The following PDE1C variants were observed in gnomAD, a reference collection of about 807,000 sequenced individuals.
The protein encoded by PDE1C is dual specificity calcium/calmodulin-dependent 3',5'-cyclic nucleotide phosphodiesterase 1C.
In PDE1C, 62 loss-of-function variants were observed where a neutral mutation model predicts 93.1. The observed-to-expected ratio is 0.67, with a 90% CI of 0.54 to 0.82. The LOEUF is 0.82. PDE1C is among the 40% of genes least tolerant of loss of function. PDE1C has a pLI of 0.00. For synonymous variants in PDE1C, 325 were observed against 310.1 expected (o/e 1.05, Z -0.50); for missense variants, 742 against 884.6 (o/e 0.84, Z 2.04).
rs11981971 is a variant in PDE1C, at chr7:32,306,741, T to A, written c.311-97202A>T. Reference sequence around the variant, plus strand: ...TTGGCTCATCAGGCCCTACAGAATCTTGGGGGAAACTGGGGAACATAGGGA... The same window carrying A: ...TTGGCTCATCAGGCCCTACAGAATCATGGGGGAAACTGGGGAACATAGGGA... On this transcript the variant is annotated intron_variant, in intron 1 of 1. Transcript: ENST00000672256. 2.9e-3 allele frequency among the ~76,000 whole-genome samples: 435 copies of A among 152,320 alleles called. 3 individuals are homozygous for A. The highest frequency in any genetic ancestry group is 9.8e-3 in the African/African-American group (406 of 41,568).
chr7:31,869,613 G>A (rs911131687), intron 6 of PDE1C, among the ~76,000 whole-genome samples: 1 of 152,030 alleles, frequency 6.6e-6, no homozygotes, highest in African/African-American at 2.4e-5. Flanking sequence ...GAAGCACCCA[G>A]ATGTATAAAG....
At chr7:32,344,532 T>C (rs1469002958) in intron 1 of PDE1C, among the ~76,000 whole-genome samples, 1 of 152,150 alleles carries the variant, frequency 6.6e-6, no homozygotes, top group Non-Finnish European at 1.5e-5. Flanking sequence ...CACCATCACC[T>C]TGGGGCTTCT....
intron 2 of PDE1C, among the ~76,000 whole-genome samples, chr7:31,920,073 C>T (rs1802409482): frequency 6.6e-6 from 1 of 152,160 alleles, no homozygotes; most frequent in African/African-American, 2.4e-5. Context: ...CCTGAAAAGC[C>T]CAAAGCCTGA....
chr7:31,680,274 T>C, the PDE1C span, among the ~76,000 whole-genome samples: 3 of 152,150 alleles, frequency 2.0e-5, no homozygotes, highest in African/African-American at 7.2e-5. Context: ...CAAAAAAGAA[T>C]AAAATCAGCT....
intron 1 of PDE1C, among the ~76,000 whole-genome samples, chr7:32,422,419 A>T (rs1294006549): frequency 6.6e-6 from 1 of 152,096 alleles, no homozygotes. Flanking sequence ...TTGGGGTACA[A>T]TTGAGCCAGT....
At chr7:31,661,482 G>C in the PDE1C span, among the ~76,000 whole-genome samples, 1 of 152,148 alleles carries the variant, frequency 6.6e-6, no homozygotes, top group African/African-American at 2.4e-5. Context: ...GGAGCCCCAG[G>C]TGGGTGGATC....
intron 1 of PDE1C, among the ~76,000 whole-genome samples, chr7:32,408,998 G>C (rs1471695031): frequency 6.6e-6 from 1 of 151,998 alleles, no homozygotes; most frequent in Admixed American, 6.6e-5. Context: ...CAAGCCCAGG[G>C]GTTTTCTGGC....
At chr7:31,793,426 A>T (rs374628254) in intron 16 of PDE1C, among the ~76,000 whole-genome samples, 1 of 152,176 alleles carries the variant, frequency 6.6e-6, no homozygotes, top group East Asian at 1.9e-4. Context: ...CCTAAACTCA[A>T]AGAAGTAAGT....
At chr7:31,743,486 G>A in the PDE1C span, among the ~76,000 whole-genome samples, 3 of 151,956 alleles carry the variant, frequency 2.0e-5, no homozygotes, top group Non-Finnish European at 2.9e-5. Context: ...TTCAGAGGAC[G>A]CTAGAACCAT....
intron 2 of PDE1C, among the ~76,000 whole-genome samples, chr7:31,899,418 G>A (rs543573486): frequency 1.3e-5 from 2 of 152,024 alleles, no homozygotes; most frequent in East Asian, 1.9e-4. Flanking sequence ...GATTACAGGC[G>A]TAAGTAAGCC....
the PDE1C span, among the ~76,000 whole-genome samples, chr7:31,617,266 A>AAAATGATACAT: frequency 6.6e-6 from 1 of 152,078 alleles, no homozygotes; most frequent in Non-Finnish European, 1.5e-5. Context: ...CAACAATTTA[A>AAAATGATACAT]CTTTGCAAAG....
chr7:32,337,233 C>A (rs1783643881), intron 1 of PDE1C, among the ~76,000 whole-genome samples: 1 of 152,126 alleles, frequency 6.6e-6, no homozygotes, highest in Admixed American at 6.5e-5. Context: ...ACACTACTTA[C>A]TAGGGACCAT....
intron 7 of PDE1C, among the ~76,000 whole-genome samples, chr7:31,862,624 G>T (rs921256501): frequency 3.3e-5 from 5 of 152,094 alleles, no homozygotes; most frequent in Non-Finnish European, 7.4e-5. Flanking sequence ...TTTTATAAAG[G>T]CACTAATCCC....
intron 3 of PDE1C, among the ~76,000 whole-genome samples, chr7:32,107,819 A>C (rs1052014537): frequency 6.6e-6 from 1 of 152,158 alleles, no homozygotes; most frequent in African/African-American, 2.4e-5. Flanking sequence ...ACATTTAAGG[A>C]TCATAGCTTA....
rs1386794005 is a variant in PDE1C at position 32,186,096 on chromosome 7, T to G, written c.137-16140A>C. 4.4e-3 allele frequency among the ~76,000 whole-genome samples: 403 copies of G among 90,642 alleles called. 4 individuals carry two copies. Among genetic ancestry groups the G allele is most frequent in the African/African-American group, 0.011 (352 of 33,384 alleles). 59.5% of individuals were successfully genotyped at this position (90,642 alleles called of 152,430 possible). ...CCTAATTTGTTTTTTTGTTTTTTTT[T>G]TTTTTTTTTTTTTTTTTGAGACGGA... On this transcript the variant is annotated intron_variant, in intron 2 of 18. Coordinates refer to the PDE1C transcript ENST00000396193.
chr7:32,322,900 C>T (rs1447802747), intron 1 of PDE1C, among the ~76,000 whole-genome samples: 1 of 152,096 alleles, frequency 6.6e-6, no homozygotes, highest in Non-Finnish European at 1.5e-5. Context: ...GCGTGAGCCA[C>T]CATGCCCAGC....
chr7:32,202,153 C>T (rs1429126088), intron 2 of PDE1C, among the ~76,000 whole-genome samples: 2 of 152,184 alleles, frequency 1.3e-5, no homozygotes, highest in African/African-American at 4.8e-5. Context: ...ATCTGGGTTA[C>T]ATGTATCATC....
intron 7 of PDE1C, among the ~76,000 whole-genome samples, chr7:31,862,929 A>T (rs1257896023): frequency 6.6e-6 from 1 of 152,174 alleles, no homozygotes; most frequent in Non-Finnish European, 1.5e-5. Flanking sequence ...TCCCTATTAG[A>T]TTGTTCTTTT....
chr7:31,803,966 T>A (rs1469066331), intron 16 of PDE1C, among the ~76,000 whole-genome samples: 1 of 151,960 alleles, frequency 6.6e-6, no homozygotes, highest in East Asian at 1.9e-4. Context: ...CCCTAAGGAA[T>A]TGCCACACTG....
Sources: allele counts gnomAD v4.1 joint callset (sites outside exome capture counted in the v4.1 genomes callset), GRCh38; gene constraint gnomAD v4.1.1; transcripts MANE v1.5; gene names NCBI Gene and HGNC (gene_info 2026-07-23, HGNC 2026-07-21).